RBFOX3: variants seen among roughly 807,000 people sequenced by gnomAD.
RBFOX3 encodes RNA binding protein fox-1 homolog 3.
RBFOX3 carries 17 observed loss-of-function variants against 48.7 expected under a neutral mutation model. That is an observed-to-expected ratio of 0.35 (90% confidence interval 0.24 to 0.52). RBFOX3 has a LOEUF of 0.52. Ranked by LOEUF, RBFOX3 falls within the 20% of genes least tolerant of loss-of-function variation. The pLI, the probability that RBFOX3 is intolerant of heterozygous loss-of-function variation, is 0.94. For missense variants in RBFOX3, 382 were observed against 497.5 expected (o/e 0.77, Z 2.21); for synonymous variants, 212 against 209.5 (o/e 1.01, Z -0.10).
Position 79,403,392 on chromosome 17 carries a change from G to A in RBFOX3, c.-175+79062C>T, listed in dbSNP as rs1244003544. On this transcript the variant is annotated intron_variant, in intron 2 of 14. Transcript: ENST00000693108. ...TAGAGACGGGCAGCTCCCATGGGGGGTTCAGGCTCCTGTGGATGGGCACCT... is the reference window on the plus strand; with the variant it reads ...TAGAGACGGGCAGCTCCCATGGGGGATTCAGGCTCCTGTGGATGGGCACCT... Among the ~76,000 whole-genome samples, 8 of 152,342 alleles carry A rather than the reference G, an allele frequency of 5.3e-5. No homozygotes were observed. The East Asian group carries it at 9.7e-4, about 18-fold the overall frequency.
chr17:79,377,425 A>T (rs1375892086), intron 2 of RBFOX3, among the ~76,000 whole-genome samples: 1 of 152,052 alleles, frequency 6.6e-6, no homozygotes, highest in Non-Finnish European at 1.5e-5. Context: ...ATGCACACCC[A>T]CCTGTAAACA....
chr17:79,578,271 G>A (rs2092928740), intron 1 of RBFOX3, among the ~76,000 whole-genome samples: 1 of 152,276 alleles, frequency 6.6e-6, no homozygotes. Flanking sequence ...GGGAGCATCA[G>A]GGCACTCAAG....
intron 2 of RBFOX3, among the ~76,000 whole-genome samples, chr17:79,385,695 C>T (rs149075417): frequency 0.019 from 2,901 of 152,124 alleles, 40 homozygotes; most frequent in African/African-American, 0.036. Flanking sequence ...CTGTGACAGA[C>T]GGGCTCCATC....
At chr17:79,101,526 A>G in intron 9 of RBFOX3, 58 bp downstream of exon 9, 3 of 1,447,036 alleles carry the variant, frequency 2.1e-6, no homozygotes, top group East Asian at 2.5e-5. Flanking sequence ...CAGCTCCCCC[A>G]GGGCCTCTGT....
chr17:79,104,924 A>ACGGTGACTTGAACCCAGGCCCTGC (rs55759994), intron 6 of RBFOX3, among the ~76,000 whole-genome samples: 6 of 152,010 alleles, frequency 3.9e-5, no homozygotes, highest in Non-Finnish European at 8.8e-5. Context: ...GTGCTGAGCA[A>ACGGTGACTTGAACCCAGGCCCTGC]CTGTTCAGGT....
At chr17:79,539,674 C>T (rs1356952369) in intron 1 of RBFOX3, among the ~76,000 whole-genome samples, 1 of 152,094 alleles carries the variant, frequency 6.6e-6, no homozygotes, top group East Asian at 1.9e-4. Flanking sequence ...GAAGGAGGTC[C>T]CAGACTATTC....
At chr17:79,514,043 C>T (rs954020908) in intron 1 of RBFOX3, among the ~76,000 whole-genome samples, 16 of 152,354 alleles carry the variant, frequency 1.1e-4, no homozygotes, top group Admixed American at 9.1e-4. Context: ...GTGACCTCAG[C>T]CAGGCCAATC....
the RBFOX3 span, among the ~76,000 whole-genome samples, chr17:79,616,609 G>A: frequency 1.1e-5 from 1 of 91,904 alleles, no homozygotes; most frequent in Non-Finnish European, 2.5e-5. Flanking sequence ...ACACACACAC[G>A]TGTTACTACT....
At chr17:79,162,399 C>T (rs1340762912) in intron 4 of RBFOX3, among the ~76,000 whole-genome samples, 1 of 152,170 alleles carries the variant, frequency 6.6e-6, no homozygotes, top group Non-Finnish European at 1.5e-5. Flanking sequence ...GTGCCGCGCC[C>T]AGCCCTGCCT....
chr17:79,190,194 C>T (rs531765875), intron 4 of RBFOX3, among the ~76,000 whole-genome samples: 291 of 152,274 alleles, frequency 1.9e-3, no homozygotes, highest in Middle Eastern at 3.4e-3. Context: ...GGTGGATCAC[C>T]TGAGGCCAGG....
At position 79,151,904 on chromosome 17, in the gene RBFOX3, A is replaced by C. The variant is rs1420128341; in HGVS notation, c.-33-36156T>G. Among the ~76,000 whole-genome samples the C allele has an allele frequency of 2.1e-4, 2 of 9,332 alleles. 1 individual carries two copies. The highest frequency in any genetic ancestry group is 5.1e-4 in the Non-Finnish European group (2 of 3,920). 6.1% of individuals were successfully genotyped at this position (9,332 alleles called of 152,430 possible). On this transcript the variant is annotated intron_variant, in intron 4 of 14. Transcript: ENST00000693108. ...GCGATGGGAGGGGACCTGCAGGGGG[A>C]GGAGGGGAGGCGAGGATGGGAGGGG...
chr17:79,234,528 G>A (rs1242745040), intron 4 of RBFOX3: 3 of 152,098 alleles, frequency 2.0e-5, no homozygotes, highest in Admixed American at 6.5e-5. Context: ...CGCAGCGCTG[G>A]CCTTGTGCAC....
chr17:79,226,801 A>G (rs558890916), intron 4 of RBFOX3, among the ~76,000 whole-genome samples: 36 of 152,338 alleles, frequency 2.4e-4, no homozygotes, highest in African/African-American at 8.4e-4. Context: ...TATCACATTA[A>G]TCAAGGGACA....
chr17:79,261,398 C>T (rs544406953), intron 3 of RBFOX3, among the ~76,000 whole-genome samples: 2 of 152,340 alleles, frequency 1.3e-5, no homozygotes, highest in Admixed American at 1.3e-4. Flanking sequence ...TCCCAAGACC[C>T]AAGACCTGCT....
In RBFOX3 at chr17:79,138,710, C is replaced by T. The variant is rs114667515; in HGVS notation, c.-33-22962G>A. Among the ~76,000 whole-genome samples the T allele has an allele frequency of 4.3e-3, 27 of 6,322 alleles. 5 individuals are homozygous for T. The highest frequency in any genetic ancestry group is 0.013 in the African/African-American group (21 of 1,558). The allele number at this position is 6,322 out of a possible 152,430, so 4.1% of individuals were successfully genotyped here. A position where few individuals can be genotyped will look rare whatever the true frequency, so the allele number is the denominator to read the frequency against. On this transcript the variant is annotated intron_variant, in intron 4 of 14. Transcript: ENST00000693108. ...CACATGGACACAGCACATGCGTTCACACCCCCTCACCCACACACGCATGCA... is the reference window on the plus strand; with the variant it reads ...CACATGGACACAGCACATGCGTTCATACCCCCTCACCCACACACGCATGCA...
chr17:79,211,462 A>G (rs1600021622), intron 4 of RBFOX3, among the ~76,000 whole-genome samples: 1 of 152,238 alleles, frequency 6.6e-6, no homozygotes, highest in East Asian at 1.9e-4. Context: ...TTAAGTTTTG[A>G]GATCATCGTA....
chr17:79,465,449 C>T (rs962619751), intron 2 of RBFOX3, among the ~76,000 whole-genome samples: 7 of 152,172 alleles, frequency 4.6e-5, no homozygotes, highest in Non-Finnish European at 1.0e-4. Flanking sequence ...CCCTGCCCAG[C>T]GAACAGATGG....
intron 4 of RBFOX3, among the ~76,000 whole-genome samples, chr17:79,120,009 C>T (rs181501865): frequency 6.6e-6 from 1 of 152,338 alleles, no homozygotes; most frequent in East Asian, 1.9e-4. Context: ...GCTGTGCAGC[C>T]AGTATCTGTC....
In RBFOX3 at chr17:79,092,819, C is replaced by T. The variant is rs117682259; in HGVS notation, c.1077+1632G>A. Reference sequence around the variant, plus strand: ...TGTCATGGCAACAGGAAGAGTAGGACCTGCCTCTGACATAGTGGTCTTGGG... The same window carrying T: ...TGTCATGGCAACAGGAAGAGTAGGATCTGCCTCTGACATAGTGGTCTTGGG... On this transcript the variant is annotated intron_variant, in intron 14 of 14. Transcript: ENST00000693108. Among the ~76,000 whole-genome samples, 11 of 152,276 alleles carry T rather than the reference C, an allele frequency of 7.2e-5. No individual in the cohort carries two copies. In the East Asian group the frequency reaches 1.9e-3, roughly 27 times the overall value.
Sources: gnomAD v4.1 joint callset for allele counts (sites outside exome capture counted in the v4.1 genomes callset) on GRCh38, gnomAD v4.1.1 for gene constraint, MANE v1.5 for transcripts, NCBI Gene and HGNC (gene_info 2026-07-23, HGNC 2026-07-21) for gene names.